Variants in XRCC4 observed in about 807,000 individuals in gnomAD.
XRCC4 encodes X-ray repair cross complementing 4.
A neutral mutation model predicts 39.1 loss-of-function variants in XRCC4; 28 were observed. The observed-to-expected ratio is 0.72, with a 90% CI of 0.53 to 0.98. The LOEUF is 0.98. XRCC4 is among the 50% of genes least tolerant of loss of function. The pLI is 0.00. For missense variants in XRCC4, 350 were observed against 376.4 expected (o/e 0.93, Z 0.58); for synonymous variants, 123 against 126.4 (o/e 0.97, Z 0.18).
intron 7 of XRCC4, among the ~76,000 whole-genome samples, chr5:83,315,989 G>A (rs1049417262): frequency 6.6e-6 from 1 of 152,128 alleles, no homozygotes; most frequent in Admixed American, 6.6e-5. Context: ...AATTGAAAAT[G>A]TTCTGGAAAG....
intron 3 of XRCC4, among the ~76,000 whole-genome samples, chr5:83,174,664 A>T (rs1749873047): frequency 6.6e-6 from 1 of 152,204 alleles, no homozygotes; most frequent in Non-Finnish European, 1.5e-5. Context: ...CTTAACTGAA[A>T]CTATGTTTCT....
chr5:83,129,485 T>C (rs1285915372), intron 3 of XRCC4, among the ~76,000 whole-genome samples: 1 of 152,144 alleles, frequency 6.6e-6, no homozygotes, highest in Non-Finnish European at 1.5e-5. Flanking sequence ...ATATGAACTT[T>C]AAAGTAGTTT....
At chr5:83,182,600 A>G (rs947089067) in intron 3 of XRCC4, among the ~76,000 whole-genome samples, 3 of 152,066 alleles carry the variant, frequency 2.0e-5, no homozygotes, top group Non-Finnish European at 2.9e-5. Context: ...TTTTGACCCA[A>G]TGTTGCAGTG....
At chr5:83,297,287 G>GTGTT (rs530044449) in intron 7 of XRCC4, among the ~76,000 whole-genome samples, 1 of 151,902 alleles carries the variant, frequency 6.6e-6, no homozygotes, top group Non-Finnish European at 1.5e-5. Context: ...TTCATATTGA[G>GTGTT]TGTTTGTGCT....
chr5:83,193,316 C>A (rs905381949), intron 3 of XRCC4, among the ~76,000 whole-genome samples: 6 of 151,872 alleles, frequency 4.0e-5, no homozygotes, highest in Non-Finnish European at 7.4e-5. Flanking sequence ...AAATCCTTTT[C>A]TTTGATTAAA....
chr5:83,309,581 G>A (rs1425124415), intron 7 of XRCC4, among the ~76,000 whole-genome samples: 1 of 150,846 alleles, frequency 6.6e-6, no homozygotes, highest in African/African-American at 2.4e-5. Flanking sequence ...CTAACACGGT[G>A]AAAACCCGTC....
rs756841231 is a variant in XRCC4 at position 83,204,799 on chromosome 5, C to A, written c.639-16C>A. The A allele has an allele frequency of 6.3e-7, 1 of 1,594,158 alleles. No homozygotes were observed. Among genetic ancestry groups the A allele is most frequent in the South Asian group, 1.1e-5 (1 of 88,090 alleles). On this transcript the variant is annotated splice_polypyrimidine_tract_variant and intron_variant, in intron 5 of 7. Transcript: ENST00000396027. Reference sequence around the variant, plus strand: ...GTGAGCCAGTTATTTATAATTCTACCTTTCTCTGTTTCTAGGGAAACTGCA... The same window carrying A: ...GTGAGCCAGTTATTTATAATTCTACATTTCTCTGTTTCTAGGGAAACTGCA...
At chr5:83,338,888 C>T (rs571940917) in intron 7 of XRCC4, among the ~76,000 whole-genome samples, 2 of 152,256 alleles carry the variant, frequency 1.3e-5, no homozygotes, top group East Asian at 1.9e-4. Flanking sequence ...AATTACTTCA[C>T]GTATTTTTAG....
chr5:83,345,632 A>C (rs1298710417), intron 7 of XRCC4, among the ~76,000 whole-genome samples: 1 of 152,174 alleles, frequency 6.6e-6, no homozygotes, highest in African/African-American at 2.4e-5. Flanking sequence ...TATTACTCTC[A>C]GAACATGTTA....
At chr5:83,103,632 C>A (rs1212204305) in intron 1 of XRCC4, among the ~76,000 whole-genome samples, 1 of 152,092 alleles carries the variant, frequency 6.6e-6, no homozygotes, top group Admixed American at 6.6e-5. Context: ...TTGTAATAGT[C>A]AAAATCTAGA....
At chr5:83,211,379 A>T (rs1751638646) in intron 6 of XRCC4, among the ~76,000 whole-genome samples, 1 of 152,212 alleles carries the variant, frequency 6.6e-6, no homozygotes, top group African/African-American at 2.4e-5. Context: ...TGTCAGTAGA[A>T]GTAATGATCT....
chr5:83,215,501 A>G (rs368404295), intron 6 of XRCC4, among the ~76,000 whole-genome samples: 12 of 152,348 alleles, frequency 7.9e-5, no homozygotes, highest in African/African-American at 2.9e-4. Context: ...AGACAAAACA[A>G]TCTTGGAAAA....
At chr5:83,124,474 A>G (rs367916225) in intron 3 of XRCC4, among the ~76,000 whole-genome samples, 14 of 152,238 alleles carry the variant, frequency 9.2e-5, no homozygotes, top group Admixed American at 9.2e-4. Context: ...TGAGTAGTCT[A>G]TTCTTACCTC....
At chr5:83,316,420 G>A (rs954476608) in intron 7 of XRCC4, among the ~76,000 whole-genome samples, 3 of 151,356 alleles carry the variant, frequency 2.0e-5, no homozygotes, top group Non-Finnish European at 4.4e-5. Flanking sequence ...GTTGGATAAA[G>A]AGTCAAGACC....
At chr5:83,135,391 C>CTT (rs35742750) in intron 3 of XRCC4, among the ~76,000 whole-genome samples, 214 of 145,702 alleles carry the variant, frequency 1.5e-3, no homozygotes, top group Middle Eastern at 0.011. Flanking sequence ...GGCAGTATGC[C>CTT]TTTTTTTTTT....
chr5:83,367,187 G>A, the XRCC4 span, among the ~76,000 whole-genome samples: 1 of 152,104 alleles, frequency 6.6e-6, no homozygotes, highest in African/African-American at 2.4e-5. Flanking sequence ...AGAAAGCTTT[G>A]TTGATTGGAC....
chr5:83,284,300 A>T (rs1754662876), intron 7 of XRCC4, among the ~76,000 whole-genome samples: 1 of 152,030 alleles, frequency 6.6e-6, no homozygotes, highest in Non-Finnish European at 1.5e-5. Flanking sequence ...ACAATATTGT[A>T]CCTTAACTCA....
At chr5:83,095,329 G>A (rs1313033098) in intron 1 of XRCC4, among the ~76,000 whole-genome samples, 1 of 152,128 alleles carries the variant, frequency 6.6e-6, no homozygotes, top group African/African-American at 2.4e-5. Flanking sequence ...TCCTTTATTT[G>A]AGTTCAGCAG....
At chr5:83,116,598 TTCTC>T (rs1444252749) in intron 3 of XRCC4, among the ~76,000 whole-genome samples, 2 of 146,120 alleles carry the variant, frequency 1.4e-5, no homozygotes, top group Non-Finnish European at 3.0e-5. Flanking sequence ...AATTACCAGT[TTCTC>T]TCTCTCTTTT....
Sources: allele counts gnomAD v4.1 joint callset (sites outside exome capture counted in the v4.1 genomes callset), GRCh38; gene constraint gnomAD v4.1.1; transcripts MANE v1.5; gene names NCBI Gene and HGNC (gene_info 2026-07-23, HGNC 2026-07-21).